Variants in SFI1 observed in about 807,000 individuals in gnomAD.
SFI1 encodes SFI1 centrin binding protein.
Under a neutral mutation model 207.5 loss-of-function variants are expected in SFI1, and 195 were observed. The observed-to-expected ratio is 0.94, with a 90% CI of 0.84 to 1.06. The LOEUF is 1.06. Among genes scored for constraint, SFI1 ranks in the 50% least tolerant of loss-of-function variants. The pLI is 0.00. For missense variants in SFI1, 1,634 were observed against 1,588.0 expected (o/e 1.03, Z -0.49); for synonymous variants, 630 against 598.9 (o/e 1.05, Z -0.76).
chr22:31,576,125 A>G (rs919118838), intron 10 of SFI1, among the ~76,000 whole-genome samples: 2 of 151,556 alleles, frequency 1.3e-5, no homozygotes, highest in African/African-American at 4.9e-5. Flanking sequence ...CCCAGGTTCA[A>G]GCGATTCTCC....
chr22:31,618,406 G>C lies in SFI1; in HGVS notation c.3717G>C (p.Gln1239His), dbSNP rs1188035711. Residue 1239 changes from glutamine (Q) to histidine (H), a missense_variant, in exon 33 of 33, where the codon CAG (glutamine) becomes CAC (histidine). Coordinates refer to ENST00000400288, the MANE Select transcript of SFI1 (RefSeq NM_001007467.3). ...ACVARIQALR[Q>H]ALC Reference sequence around the variant, plus strand: ...TTGCCCGCATCCAGGCCCTGCGGCAGGCCCTGTGCTAGCGTGTTCGCACCA... The same window carrying C: ...TTGCCCGCATCCAGGCCCTGCGGCACGCCCTGTGCTAGCGTGTTCGCACCA... 1.9e-6 allele frequency: 3 copies of C among 1,592,906 alleles called. No homozygotes were observed. Among genetic ancestry groups the C allele is most frequent in the African/African-American group, 1.3e-5 (1 of 74,542 alleles).
At chr22:31,555,914 C>T (rs1386023110) in intron 6 of SFI1, among the ~76,000 whole-genome samples, 1 of 152,308 alleles carries the variant, frequency 6.6e-6, no homozygotes, top group East Asian at 1.9e-4. Flanking sequence ...GTCCTGTCGA[C>T]TACATCTTGG....
At chr22:31,566,085 A>G (rs531752963) in intron 8 of SFI1, among the ~76,000 whole-genome samples, 1 of 151,788 alleles carries the variant, frequency 6.6e-6, no homozygotes, top group East Asian at 1.9e-4. Flanking sequence ...GCTTTTTAGA[A>G]TTACGAACAG....
intron 24 of SFI1, 25 bp downstream of exon 24, chr22:31,611,865 C>G: frequency 6.2e-7 from 1 of 1,613,034 alleles, no homozygotes; most frequent in Non-Finnish European, 8.5e-7. Context: ...GATGTCCCCT[C>G]TGCACTTCCT....
At chr22:31,507,577 C>G (rs2054829488) in intron 1 of SFI1, among the ~76,000 whole-genome samples, 2 of 152,054 alleles carry the variant, frequency 1.3e-5, no homozygotes, top group South Asian at 4.1e-4. Flanking sequence ...AAACAGACAA[C>G]CTACAGAATG....
At position 31,617,040 on chromosome 22, in the gene SFI1, G is replaced by A; in HGVS notation, c.3474G>A (p.Gln1158=). The part of the protein sequence containing the change: ...DLEAELEEIQ[Q]QLLHYQTTKQ... ...AGGCTGAACTTGAGGAGATCCAGCA[G>A]CAACTACTGCACTACCAGACCACCA... Residue 1158 remains glutamine (Q), a synonymous_variant, in exon 31 of 33, where the codon CAG becomes CAA. Coordinates refer to ENST00000400288, the MANE Select transcript of SFI1 (RefSeq NM_001007467.3). 6.2e-7 allele frequency: 1 copy of A among 1,614,050 alleles called. No homozygotes were observed. The highest frequency in any genetic ancestry group is 8.5e-7 in the Non-Finnish European group (1 of 1,180,020).
At chr22:31,604,177 C>CA (rs543464125) in intron 18 of SFI1, 132 bp from the exon 19 acceptor site, 1 of 690,018 alleles carries the variant, frequency 1.4e-6, no homozygotes, top group South Asian at 1.7e-5. Flanking sequence ...CCCTAAGAAG[C>CA]ACGTATTTAT....
intron 4 of SFI1, among the ~76,000 whole-genome samples, chr22:31,544,154 A>C (rs775481588): frequency 3.9e-5 from 6 of 152,164 alleles, no homozygotes; most frequent in Non-Finnish European, 7.3e-5. Flanking sequence ...ATGCCACTGC[A>C]CTCCAGCTTG....
chr22:31,611,231 C>A lies in SFI1; in HGVS notation c.2343C>A (p.His781Gln), dbSNP rs200280813. ...QRLQLERAVQ[H>Q]HHRQLLLEGL... is the part of the protein sequence containing the mutation. The stretch of plus-strand genomic sequence containing the variant: ...TGCAGCTGGAGAGGGCAGTGCAACA[C>A]CACCACCGGCAGCTGCTGCTGGAGG... Residue 781 changes from histidine to glutamine, a missense_variant, in exon 23 of 33, where the codon CAC becomes CAA. His to Gln is a conservative substitution (Grantham distance 24). Coordinates refer to ENST00000400288, the MANE Select transcript of SFI1 (RefSeq NM_001007467.3). 6.2e-7 allele frequency: 1 copy of A among 1,613,746 alleles called. No homozygotes were observed. The highest frequency in any genetic ancestry group is 1.1e-5 in the South Asian group (1 of 91,066).
At chr22:31,615,400 C>A in intron 29 of SFI1, 121 bp downstream of exon 29, 1 of 930,496 alleles carries the variant, frequency 1.1e-6, no homozygotes, top group Non-Finnish European at 1.5e-6. Context: ...GGCCACTCAT[C>A]CATTTGACAA....
intron 14 of SFI1, among the ~76,000 whole-genome samples, 163 bp from the exon 15 acceptor site, chr22:31,589,279 CCTATT>C (rs1185206397): frequency 1.3e-5 from 2 of 151,502 alleles, no homozygotes; most frequent in Admixed American, 6.6e-5. Flanking sequence ...TTTTACCTAT[CCTATT>C]TCATTTTTCA....
intron 2 of SFI1, among the ~76,000 whole-genome samples, chr22:31,518,342 TG>T (rs1232341286): frequency 6.6e-6 from 1 of 152,132 alleles, no homozygotes; most frequent in Non-Finnish European, 1.5e-5. Flanking sequence ...TAGATCAGAG[TG>T]GGAAAAACTG....
At chr22:31,496,463 C>G (rs1470142134), upstream of SFI1, 3 of 152,346 alleles carry the variant, frequency 2.0e-5, no homozygotes, top group Non-Finnish European at 4.4e-5. Flanking sequence ...GGGTGGTCCT[C>G]GTGCGCGCCG....
chr22:31,568,155 CTATA>C (rs138581578), intron 8 of SFI1, among the ~76,000 whole-genome samples: 11,364 of 137,714 alleles, frequency 0.083, 510 homozygotes, highest in African/African-American at 0.1. Context: ...CTCTCTCTCT[CTATA>C]TATATATGTG....
intron 24 of SFI1, chr22:31,612,395 AAAAATATATATATATATAT>A (rs2070416903): frequency 9.1e-6 from 1 of 110,066 alleles, no homozygotes; most frequent in African/African-American, 3.7e-5. Flanking sequence ...AAAAAAAAAA[AAAAATATATATATATATAT>A]ATATATATAT....
chr22:31,503,737 G>A (rs1470770140), intron 1 of SFI1, among the ~76,000 whole-genome samples: 2 of 150,248 alleles, frequency 1.3e-5, no homozygotes, highest in Non-Finnish European at 3.0e-5. Flanking sequence ...ACAGGCATTC[G>A]CCACCATGCC....
chr22:31,549,812 G>T (rs2060460691), intron 5 of SFI1, among the ~76,000 whole-genome samples: 1 of 150,640 alleles, frequency 6.6e-6, no homozygotes, highest in Non-Finnish European at 1.5e-5. Flanking sequence ...TGAAATTTTA[G>T]CTTTGGTGCA....
chr22:31,604,229 G>A, intron 18 of SFI1, 80 bp from the exon 19 acceptor site: 2 of 1,045,372 alleles, frequency 1.9e-6, no homozygotes, highest in South Asian at 2.7e-5. Context: ...CACAGATGAT[G>A]TATAAAATGG....
At chr22:31,576,935 G>A (rs1484621642) in intron 10 of SFI1, among the ~76,000 whole-genome samples, 2 of 152,132 alleles carry the variant, frequency 1.3e-5, no homozygotes, top group East Asian at 1.9e-4. Flanking sequence ...CTGAGCCACC[G>A]CACCCAGCCA....
Sources: allele counts gnomAD v4.1 joint callset (sites outside exome capture counted in the v4.1 genomes callset), GRCh38; gene constraint gnomAD v4.1.1; transcripts MANE v1.5; gene names NCBI Gene and HGNC (gene_info 2026-07-23, HGNC 2026-07-21).